MITF: variants seen among roughly 807,000 people sequenced by gnomAD.
The protein encoded by MITF is microphthalmia-associated transcription factor.
MITF carries 17 observed loss-of-function variants against 60.5 expected under a neutral mutation model. The observed-to-expected ratio is 0.28, with a 90% CI of 0.19 to 0.42. The LOEUF is 0.42. MITF is among the 10% of genes least tolerant of loss of function. MITF has a pLI of 1.00. For synonymous variants in MITF, 260 were observed against 248.5 expected, an observed-to-expected ratio of 1.05 and a Z score of -0.43; for missense variants, 622 against 683.5, an observed-to-expected ratio of 0.91 and a Z score of 1.00.
At chr3:69,948,904 A>G in intron 5 of MITF, 147 bp from the exon 6 acceptor site, 1 of 669,312 alleles carries the variant, frequency 1.5e-6, no homozygotes, top group East Asian at 2.8e-5. Flanking sequence ...TGAAAAAGTA[A>G]ACATCTCATA....
intron 2 of MITF, among the ~76,000 whole-genome samples, chr3:69,902,714 C>A (rs1174021415): frequency 1.3e-5 from 2 of 152,156 alleles, no homozygotes; most frequent in Admixed American, 1.3e-4. Context: ...TTTAGTTACA[C>A]CCATAACCTC....
At chr3:69,853,611 T>C (rs2063863716) in intron 1 of MITF, among the ~76,000 whole-genome samples, 1 of 152,170 alleles carries the variant, frequency 6.6e-6, no homozygotes, top group Non-Finnish European at 1.5e-5. Flanking sequence ...ACTCCCTACC[T>C]AGTTAACCAT....
chr3:69,927,437 G>C (rs1575981075), intron 2 of MITF, among the ~76,000 whole-genome samples: 1 of 152,128 alleles, frequency 6.6e-6, no homozygotes, highest in African/African-American at 2.4e-5. Context: ...TTAAAACCTA[G>C]ATGACGGGTT....
chr3:69,816,929 G>C (rs2063191264), intron 1 of MITF, among the ~76,000 whole-genome samples: 1 of 152,182 alleles, frequency 6.6e-6, no homozygotes, highest in South Asian at 2.1e-4. Flanking sequence ...TGCAAGTCTT[G>C]TGGCAGTTAA....
At chr3:69,929,743 C>G (rs952046245) in intron 2 of MITF, among the ~76,000 whole-genome samples, 1 of 152,008 alleles carries the variant, frequency 6.6e-6, no homozygotes, top group Non-Finnish European at 1.5e-5. Context: ...AATACACCGT[C>G]AGAGTGCCAA....
rs191176780 is a variant in MITF at position 69,917,088 on chromosome 3, A to G, written c.355-20734A>G. Among the ~76,000 whole-genome samples the G allele has an allele frequency of 3.0e-3, 457 of 152,310 alleles. 9 individuals carry two copies. The highest frequency in any genetic ancestry group is 0.027 in the Admixed American group (416 of 15,282). ...CAGCATATTAAGTAACAGGGTATAA[A>G]AACAAGAAAAACAAGAAGGACATCT... On this transcript the variant is annotated intron_variant, in intron 2 of 9. Transcript: ENST00000352241.
At chr3:69,941,470 A>G in intron 5 of MITF, 139 bp downstream of exon 5, 2 of 637,034 alleles carry the variant, frequency 3.1e-6, no homozygotes, top group Admixed American at 2.9e-5. Flanking sequence ...TTATCTCAGG[A>G]TCACAAATAA....
chr3:69,876,520 A>G (rs930188131), intron 1 of MITF, among the ~76,000 whole-genome samples: 2 of 152,066 alleles, frequency 1.3e-5, no homozygotes, highest in Admixed American at 6.5e-5. Context: ...GGGAAAATAC[A>G]TTTTTAAATG....
chr3:69,761,150 C>T (rs1297539426), intron 1 of MITF, among the ~76,000 whole-genome samples: 1 of 151,974 alleles, frequency 6.6e-6, no homozygotes, highest in East Asian at 1.9e-4. Flanking sequence ...ACAGATTATA[C>T]TGGAGTTAAG....
At chr3:69,749,857 A>G (rs1011663718) in intron 1 of MITF, among the ~76,000 whole-genome samples, 5 of 152,312 alleles carry the variant, frequency 3.3e-5, no homozygotes, top group African/African-American at 1.2e-4. Context: ...TTGGGTAGGT[A>G]CACACTAATA....
rs937440863 is a variant in MITF at position 69,966,800 on chromosome 3, A to G, written c.*1552A>G. Reference sequence around the variant, plus strand: ...CAGTAGCAGCCTACAACTGAATAGCAAGTGGCATAAAGCATATCCATTCAG... The same window carrying G: ...CAGTAGCAGCCTACAACTGAATAGCGAGTGGCATAAAGCATATCCATTCAG... On this transcript the variant is annotated 3_prime_UTR_variant, in exon 10 of 10. Transcript: ENST00000352241. 3.9e-5 allele frequency: 9 copies of G among 232,728 alleles called. No homozygotes were observed. Among genetic ancestry groups the G allele is most frequent in the Non-Finnish European group, 7.7e-5 (9 of 117,578 alleles). The allele number at this position is 232,728 out of a possible 1,614,324, so 14.4% of individuals were successfully genotyped here.
chr3:69,925,434 A>G (rs1394036457), intron 2 of MITF, among the ~76,000 whole-genome samples: 1 of 152,134 alleles, frequency 6.6e-6, no homozygotes, highest in Non-Finnish European at 1.5e-5. Context: ...CAACTTCTTC[A>G]TGGTGGCGTG....
In MITF at chr3:69,744,971, C is replaced by A. The variant is rs143970418; in HGVS notation, c.104+5270C>A. ...ATGGGTCACATTTATTGAGTATGTA[C>A]TATGTGTGAGCCCCATTCTAAGTGT... On this transcript the variant is annotated intron_variant, in intron 1 of 9. Coordinates refer to ENST00000352241, the MANE Select transcript of MITF (RefSeq NM_001354604.2). 1.2e-4 allele frequency among the ~76,000 whole-genome samples: 19 copies of A among 152,226 alleles called. No homozygotes were observed. In the East Asian group the frequency reaches 3.7e-3, roughly 29 times the overall value.
At chr3:69,879,101 C>G (rs2107275260) in intron 1 of MITF, 33 bp from the exon 2 acceptor site, 2 of 1,592,104 alleles carry the variant, frequency 1.3e-6, no homozygotes, top group Non-Finnish European at 8.6e-7. Flanking sequence ...CATTAGGAAA[C>G]TAAATGTTGT....
At chr3:69,893,528 G>A (rs1010437930) in intron 2 of MITF, among the ~76,000 whole-genome samples, 31 of 152,060 alleles carry the variant, frequency 2.0e-4, no homozygotes, top group Non-Finnish European at 4.0e-4. Context: ...GGTGCCAGGC[G>A]CAATACTTTT....
At chr3:69,878,972 T>A (rs2064417633) in intron 1 of MITF, 162 bp from the exon 2 acceptor site, 1 of 658,858 alleles carries the variant, frequency 1.5e-6, no homozygotes, top group Admixed American at 2.2e-5. Flanking sequence ...ACTTAAATCC[T>A]GTCACCTCTT....
intron 2 of MITF, among the ~76,000 whole-genome samples, chr3:69,884,833 G>T (rs1355052843): frequency 6.6e-6 from 1 of 151,990 alleles, no homozygotes; most frequent in South Asian, 2.1e-4. Context: ...AGTCATCTTC[G>T]CTTAAATTTT....
chr3:69,782,854 G>T (rs548823353), intron 1 of MITF, among the ~76,000 whole-genome samples: 3 of 152,168 alleles, frequency 2.0e-5, no homozygotes, highest in Non-Finnish European at 4.4e-5. Context: ...AATGGCAAAT[G>T]CTGAGGGGAT....
At chr3:69,873,390 T>G (rs544460223) in intron 1 of MITF, among the ~76,000 whole-genome samples, 5 of 152,318 alleles carry the variant, frequency 3.3e-5, no homozygotes, top group Admixed American at 2.6e-4. Context: ...TTACCAACTC[T>G]TATTTGTGCA....
Sources: gnomAD v4.1 joint callset for allele counts (sites outside exome capture counted in the v4.1 genomes callset) on GRCh38, gnomAD v4.1.1 for gene constraint, MANE v1.5 for transcripts, NCBI Gene and HGNC (gene_info 2026-07-23, HGNC 2026-07-21) for gene names.